Variants in SLC8A1 observed in about 807,000 individuals in gnomAD.
SLC8A1 encodes the protein sodium/calcium exchanger 1.
In SLC8A1, 18 loss-of-function variants were observed where a neutral mutation model predicts 68.3. That is an observed-to-expected ratio of 0.26 (90% CI 0.18 to 0.39). SLC8A1 has a LOEUF of 0.39. Ranked by LOEUF, SLC8A1 falls within the 10% of genes least tolerant of loss-of-function variation. SLC8A1 has a pLI of 1.00. For synonymous variants in SLC8A1, 475 were observed against 415.5 expected (o/e 1.14, Z -1.74); for missense variants, 985 against 1,156.7 (o/e 0.85, Z 2.15).
chr2:40,295,471 T>A (rs1203449633), intron 2 of SLC8A1, among the ~76,000 whole-genome samples: 1 of 152,184 alleles, frequency 6.6e-6, no homozygotes, highest in Non-Finnish European at 1.5e-5. Context: ...ACTATGTCAT[T>A]CTAAAATAAT....
chr2:40,324,677 TTCC>T (rs2075611370), intron 2 of SLC8A1, among the ~76,000 whole-genome samples: 4 of 152,132 alleles, frequency 2.6e-5, no homozygotes, highest in Admixed American at 2.6e-4. Flanking sequence ...TTCCCTTCCC[TTCC>T]TTCTTCCCTC....
chr2:40,198,695 T>C (rs1298028400), intron 2 of SLC8A1, among the ~76,000 whole-genome samples: 2 of 151,854 alleles, frequency 1.3e-5, no homozygotes, highest in African/African-American at 4.8e-5. Flanking sequence ...TTGGAATGCA[T>C]GGTTTGAGCA....
chr2:40,372,061 G>T (rs4395287), intron 2 of SLC8A1, among the ~76,000 whole-genome samples: 83,121 of 152,014 alleles, frequency 0.55, 23,395 homozygotes, highest in African/African-American at 0.63. Context: ...GATTTGAAAA[G>T]AAGAAAATTA....
intron 1 of SLC8A1, among the ~76,000 whole-genome samples, chr2:40,474,221 G>C (rs1433934430): frequency 6.6e-6 from 1 of 152,100 alleles, no homozygotes; most frequent in Non-Finnish European, 1.5e-5. Flanking sequence ...AACATCAGGA[G>C]ATTATATACT....
At position 40,463,335 on chromosome 2, in the gene SLC8A1, G is replaced by A. The variant is rs905819366; in HGVS notation, c.-24-33031C>T. The stretch of plus-strand genomic sequence containing the variant: ...ATGCACGCAGCCAGTGAGGGAGAAA[G>A]GGGTGTCAGCGGCGGCTGCAAGATA... On this transcript the variant is annotated intron_variant, in intron 1 of 7. Transcript: ENST00000402441. 3.9e-5 allele frequency among the ~76,000 whole-genome samples: 6 copies of A among 152,196 alleles called. 1 individual carries two copies. Among genetic ancestry groups the A allele is most frequent in the Admixed American group, 3.3e-4 (5 of 15,280 alleles).
At chr2:40,159,054 C>G (rs763460088) in intron 6 of SLC8A1, among the ~76,000 whole-genome samples, 10 of 152,064 alleles carry the variant, frequency 6.6e-5, no homozygotes, top group Non-Finnish European at 1.2e-4. Context: ...TGTGAATGAA[C>G]CAACGTAAAC....
chr2:40,358,921 G>A (rs1673633287), intron 2 of SLC8A1, among the ~76,000 whole-genome samples: 1 of 152,196 alleles, frequency 6.6e-6, no homozygotes, highest in Non-Finnish European at 1.5e-5. Context: ...GGACTTTACT[G>A]AGCAGGAGAC....
At chr2:40,482,225 T>A (rs1704675955) in intron 1 of SLC8A1, among the ~76,000 whole-genome samples, 2 of 152,312 alleles carry the variant, frequency 1.3e-5, no homozygotes, top group South Asian at 4.1e-4. Context: ...GTTGGGCCAC[T>A]CTCTCCAGAG....
intron 2 of SLC8A1, chr2:40,213,456 G>C (rs1267586076): frequency 6.6e-6 from 1 of 152,148 alleles, no homozygotes; most frequent in Non-Finnish European, 1.5e-5. Context: ...ACTAAATCTT[G>C]AGCTTAAGGT....
Position 40,174,567 on chromosome 2 carries a change from A to G in SLC8A1, c.1930+258T>C, listed in dbSNP as rs371005738. On this transcript the variant is annotated intron_variant, in intron 4 of 7. Transcript: ENST00000406785. Reference sequence around the variant, plus strand: ...CACACACACATTATTAATTTGTAAAACGTTAAATGTGTAAAACCAGCAAGA... The same window carrying G: ...CACACACACATTATTAATTTGTAAAGCGTTAAATGTGTAAAACCAGCAAGA... 95 of 813,800 alleles carry G rather than the reference A, an allele frequency of 1.2e-4. No homozygotes were observed. The African/African-American group carries it at 1.4e-3, about 12-fold the overall frequency. The allele number at this position is 813,800 out of a possible 1,614,324, so 50.4% of individuals were successfully genotyped here.
At chr2:40,247,693 G>A (rs529648745) in intron 2 of SLC8A1, among the ~76,000 whole-genome samples, 4 of 152,182 alleles carry the variant, frequency 2.6e-5, no homozygotes, top group African/African-American at 4.8e-5. Flanking sequence ...AACTGCTTAC[G>A]TATACATAGA....
intron 7 of SLC8A1, among the ~76,000 whole-genome samples, chr2:40,136,474 G>A (rs1387111439): frequency 6.6e-6 from 1 of 152,112 alleles, no homozygotes; most frequent in Non-Finnish European, 1.5e-5. Flanking sequence ...AGTTTTCAAT[G>A]TCCGTCTGGC....
intron 2 of SLC8A1, among the ~76,000 whole-genome samples, chr2:40,310,084 T>G (rs76975539): frequency 0.017 from 2,539 of 152,342 alleles, 82 homozygotes; most frequent in African/African-American, 0.058. Flanking sequence ...TTTGGCTTCT[T>G]TCACCCAGCA....
At chr2:40,442,202 TAATAA>T (rs1395131362) in intron 1 of SLC8A1, among the ~76,000 whole-genome samples, 2 of 148,348 alleles carry the variant, frequency 1.3e-5, no homozygotes, top group African/African-American at 5.0e-5. Flanking sequence ...AGTATAATAA[TAATAA>T]AATAAAATTA....
intron 7 of SLC8A1, among the ~76,000 whole-genome samples, chr2:40,132,406 T>C (rs898260245): frequency 1.3e-5 from 2 of 152,076 alleles, no homozygotes; most frequent in Admixed American, 1.3e-4. Flanking sequence ...ACAGGGCCAC[T>C]GGAGTTACAT....
At chr2:40,287,014 T>C (rs2068427634) in intron 2 of SLC8A1, among the ~76,000 whole-genome samples, 2 of 152,150 alleles carry the variant, frequency 1.3e-5, no homozygotes, top group Non-Finnish European at 2.9e-5. Context: ...TCTCAAGTAA[T>C]ATCCACCCTC....
In SLC8A1 at chr2:40,426,443, G is replaced by C. The variant is rs75747693; in HGVS notation, c.1808+2030C>G. On this transcript the variant is annotated intron_variant, in intron 2 of 7. Coordinates refer to ENST00000406785, the Ensembl canonical transcript of SLC8A1. ...TCCAATTTAATTGCATAGGATGAAT[G>C]TTTTAAATGGAACTTGGCAGAATAA... is the stretch of plus-strand genomic sequence containing the variant. Among the ~76,000 whole-genome samples the C allele has an allele frequency of 7.4e-3, 1,127 of 152,104 alleles. 14 individuals carry two copies. Among genetic ancestry groups the C allele is most frequent in the African/African-American group, 0.026 (1,067 of 41,540 alleles).
intron 2 of SLC8A1, among the ~76,000 whole-genome samples, chr2:40,393,919 C>T (rs1224050052): frequency 6.6e-6 from 1 of 152,036 alleles, no homozygotes; most frequent in Non-Finnish European, 1.5e-5. Flanking sequence ...TTCAAATACC[C>T]CACCACAAGC....
intron 2 of SLC8A1, among the ~76,000 whole-genome samples, chr2:40,200,253 T>TATATATATATAAATATATATATATATAA (rs2054093402): frequency 2.8e-5 from 1 of 35,110 alleles, no homozygotes; most frequent in Non-Finnish European, 8.2e-5. Flanking sequence ...TATATATATA[T>TATATATATATAAATATATATATATATAA]ATATATATAT....
Sources: gnomAD v4.1 joint callset for allele counts (sites outside exome capture counted in the v4.1 genomes callset) on GRCh38, gnomAD v4.1.1 for gene constraint, MANE v1.5 for transcripts, NCBI Gene and HGNC (gene_info 2026-07-23, HGNC 2026-07-21) for gene names.